The following PLCXD2 variants were observed in gnomAD, a reference collection of about 807,000 sequenced individuals.
The protein encoded by PLCXD2 is PI-PLC X domain-containing protein 2.
In PLCXD2, 21 loss-of-function variants were observed where a neutral mutation model predicts 28.6. That is an observed-to-expected ratio of 0.73 (90% CI 0.52 to 1.06). The LOEUF (loss-of-function observed/expected upper bound fraction) is 1.06. Among genes scored for constraint, PLCXD2 ranks in the 50% least tolerant of loss-of-function variants. PLCXD2 has a pLI of 0.00. For missense variants in PLCXD2, 369 were observed against 376.7 expected, an observed-to-expected ratio of 0.98 and a Z score of 0.17; for synonymous variants, 140 against 150.1, an observed-to-expected ratio of 0.93 and a Z score of 0.49.
At chr3:111,696,119 C>T (rs1383278507) in intron 1 of PLCXD2, among the ~76,000 whole-genome samples, 3 of 152,212 alleles carry the variant, frequency 2.0e-5, no homozygotes, top group African/African-American at 7.2e-5. Flanking sequence ...CATCTGTTCT[C>T]ATTTTCGTCC....
At chr3:111,680,570 C>T (rs189882474) in intron 1 of PLCXD2, among the ~76,000 whole-genome samples, 34 of 152,084 alleles carry the variant, frequency 2.2e-4, no homozygotes, top group Admixed American at 1.1e-3. Flanking sequence ...AATAAAAAGA[C>T]ACTATGACTG....
At chr3:111,714,590 A>G (rs1559798211) in intron 3 of PLCXD2, among the ~76,000 whole-genome samples, 1 of 152,170 alleles carries the variant, frequency 6.6e-6, no homozygotes, top group African/African-American at 2.4e-5. Context: ...TTAGGATGCC[A>G]CCCACCATGC....
chr3:111,683,838 C>A (rs531824063), intron 1 of PLCXD2, among the ~76,000 whole-genome samples: 1 of 152,042 alleles, frequency 6.6e-6, no homozygotes, highest in East Asian at 1.9e-4. Context: ...TAAACTAAAC[C>A]CTGAAAAATA....
At chr3:111,707,373 T>A (rs1356063909) in intron 1 of PLCXD2, among the ~76,000 whole-genome samples, 5 of 152,208 alleles carry the variant, frequency 3.3e-5, no homozygotes, top group Non-Finnish European at 2.9e-5. Flanking sequence ...TTTCCTAGAA[T>A]TTAAATCCCT....
intron 1 of PLCXD2, among the ~76,000 whole-genome samples, chr3:111,695,805 G>A (rs1940952979): frequency 1.3e-5 from 2 of 152,224 alleles, no homozygotes; most frequent in Admixed American, 6.5e-5. Context: ...AGGCCTGTGG[G>A]ATGGCAAAAC....
chr3:111,682,623 G>A (rs1940734311), intron 1 of PLCXD2, among the ~76,000 whole-genome samples: 1 of 152,228 alleles, frequency 6.6e-6, no homozygotes, highest in African/African-American at 2.4e-5. Flanking sequence ...CCTAGGCCCT[G>A]TCAGACTGAG....
Position 111,675,264 on chromosome 3 carries a change from G to C in PLCXD2, c.19G>C (p.Ala7Pro). The C allele has an allele frequency of 6.2e-7, 1 of 1,614,090 alleles. No homozygotes were observed. The highest frequency in any genetic ancestry group is 1.3e-5 in the African/African-American group (1 of 75,036). Residue 7 changes from alanine to proline, a missense_variant, in exon 1 of 5, where the codon GCC (alanine) becomes CCC (proline). Physicochemically the swap from Ala to Pro is conservative, Grantham distance 27. Transcript: ENST00000477665. Reference sequence around the variant, plus strand: ...AACAGGGATGCTAGCAGTTAGGAAGGCCAGGAGGAAACTCAGGATGGGGAC... The same window carrying C: ...AACAGGGATGCTAGCAGTTAGGAAGCCCAGGAGGAAACTCAGGATGGGGAC...
intron 2 of PLCXD2, among the ~76,000 whole-genome samples, chr3:111,708,653 A>G (rs1010620697): frequency 1.3e-5 from 2 of 152,198 alleles, no homozygotes; most frequent in African/African-American, 4.8e-5. Context: ...CAACCAAGGC[A>G]AAGTTGTAAA....
At chr3:111,688,934 T>A (rs1940835481) in intron 1 of PLCXD2, among the ~76,000 whole-genome samples, 1 of 152,054 alleles carries the variant, frequency 6.6e-6, no homozygotes, top group Non-Finnish European at 1.5e-5. Flanking sequence ...ATCCTTTTGA[T>A]TACTTAATAT....
At chr3:111,712,087 A>C (rs1941206711) in intron 2 of PLCXD2, among the ~76,000 whole-genome samples, 1 of 152,146 alleles carries the variant, frequency 6.6e-6, no homozygotes, top group Non-Finnish European at 1.5e-5. Flanking sequence ...CCTGAGTGAC[A>C]GTTGCTGCAC....
At chr3:111,709,493 CACAT>C (rs552569468) in intron 2 of PLCXD2, among the ~76,000 whole-genome samples, 2 of 151,950 alleles carry the variant, frequency 1.3e-5, no homozygotes, top group South Asian at 2.1e-4. Flanking sequence ...CGCACACACA[CACAT>C]AAAGTGTTAG....
intron 3 of PLCXD2, chr3:111,724,067 A>G (rs1941383073): frequency 6.6e-6 from 1 of 152,174 alleles, no homozygotes; most frequent in African/African-American, 2.4e-5. Context: ...TAGTTCGGTT[A>G]GAGTAGTGTT....
At chr3:111,705,647 A>G (rs1002671449) in intron 1 of PLCXD2, among the ~76,000 whole-genome samples, 1 of 151,222 alleles carries the variant, frequency 6.6e-6, no homozygotes, top group African/African-American at 2.4e-5. Flanking sequence ...ACATCTCTAC[A>G]GCTTCACCAG....
rs185308308 is a variant in PLCXD2, at chr3:111,692,677, A to C, written c.164-15249A>C. 15 of 152,364 alleles carry C rather than the reference A, an allele frequency of 9.8e-5. No homozygotes were observed. In the East Asian group the frequency reaches 2.9e-3, roughly 29 times the overall value. The allele number at this position is 152,364 out of a possible 1,614,324, so 9.4% of individuals were successfully genotyped here. A position where few individuals can be genotyped will look rare whatever the true frequency, so the allele number is the denominator to read the frequency against. ...AGGGTAACCAAATTAAAATCAATTA[A>C]CAACAGAGGTGAAAAACAATAGCTG... On this transcript the variant is annotated intron_variant, in intron 1 of 4. Coordinates refer to ENST00000477665, the MANE Select transcript of PLCXD2 (RefSeq NM_001185106.1).
chr3:111,695,486 T>G (rs570594933), intron 1 of PLCXD2, among the ~76,000 whole-genome samples: 353 of 152,340 alleles, frequency 2.3e-3, no homozygotes, highest in African/African-American at 8.3e-3. Context: ...TGTCGCACTT[T>G]GGGGTCATTC....
At position 111,707,945 on chromosome 3, in the gene PLCXD2, C is replaced by G. The variant is rs755101208; in HGVS notation, c.183C>G (p.Ser61Arg). 26 of 1,613,686 alleles carry G rather than the reference C, an allele frequency of 1.6e-5. No homozygotes were observed. The highest frequency in any genetic ancestry group is 2.0e-5 in the Non-Finnish European group (24 of 1,179,786). The stretch of plus-strand genomic sequence containing the variant: ...GTACAGGCTCACATGATTCATTCAG[C>G]TACTGGGTGGATGAAAAGTCCCCAG... Residue 61 changes from serine (S) to arginine (R), a missense_variant, in exon 2 of 5, where the codon AGC becomes AGG. By Grantham distance (110) the Ser-to-Arg change is moderately radical (BLOSUM62 -1). Coordinates refer to ENST00000477665, the MANE Select transcript of PLCXD2 (RefSeq NM_001185106.1).
At chr3:111,677,906 A>G (rs890853037) in intron 1 of PLCXD2, among the ~76,000 whole-genome samples, 3 of 152,232 alleles carry the variant, frequency 2.0e-5, no homozygotes, top group African/African-American at 4.8e-5. Context: ...TACATATTAT[A>G]TATACATATG....
At chr3:111,677,468 A>T (rs892968769) in intron 1 of PLCXD2, 4 of 152,156 alleles carry the variant, frequency 2.6e-5, no homozygotes, top group African/African-American at 4.8e-5. Flanking sequence ...CTTCCCTCTT[A>T]TCATCATCTG....
intron 3 of PLCXD2, 44 bp downstream of exon 3, chr3:111,714,172 T>C (rs770074561): frequency 4.4e-6 from 7 of 1,590,702 alleles, no homozygotes; most frequent in Non-Finnish European, 5.1e-6. Flanking sequence ...TTTTAAAAAA[T>C]ATTTATCTTG....
Sources: gnomAD v4.1 joint callset for allele counts (sites outside exome capture counted in the v4.1 genomes callset) on GRCh38, gnomAD v4.1.1 for gene constraint, MANE v1.5 for transcripts, NCBI Gene and HGNC (gene_info 2026-07-23, HGNC 2026-07-21) for gene names.